WDR44: variants seen among roughly 807,000 people sequenced by gnomAD.
The protein encoded by WDR44 is WD repeat domain 44.
Under a neutral mutation model 65.7 loss-of-function variants are expected in WDR44, and 9 were observed. The observed-to-expected ratio is 0.14, with a 90% CI of 0.08 to 0.24. WDR44 has a LOEUF of 0.24. WDR44 is among the 10% of genes least tolerant of loss of function. WDR44 has a pLI of 1.00. For synonymous variants in WDR44, 220 were observed against 235.2 expected, an observed-to-expected ratio of 0.94 and a Z score of 0.59; for missense variants, 425 against 670.9, an observed-to-expected ratio of 0.63 and a Z score of 4.05.
At chrX:118,378,871 TA>T (rs541856981) in intron 2 of WDR44, among the ~76,000 whole-genome samples, 63 of 92,799 alleles carry the variant, frequency 6.8e-4, no homozygotes, top group Non-Finnish European at 6.2e-4. Flanking sequence ...CCGTCTCTAC[TA>T]AAAAAAAAAA....
chrX:118,395,184 G>A (rs2147704902), intron 5 of WDR44, 65 bp from the exon 6 acceptor site: 1 of 956,408 alleles, frequency 1.0e-6, no homozygotes, highest in East Asian at 3.3e-5. Flanking sequence ...ATTATATGTG[G>A]TAATAATTGA....
In WDR44 at chrX:118,438,797, G is replaced by GTTTTTTTTTTTTTTTTTTTT. The variant is rs1213083479; in HGVS notation, c.1974+1975_1974+1994dup. 3.9e-4 allele frequency among the ~76,000 whole-genome samples: 25 copies of GTTTTTTTTTTTTTTTTTTTT among 64,044 alleles called. 1 individual carries two copies. Among genetic ancestry groups the GTTTTTTTTTTTTTTTTTTTT allele is most frequent in the Admixed American group, 1.2e-3 (5 of 4,151 alleles). The allele number at this position is 64,044 out of a possible 115,157, so 55.6% of individuals were successfully genotyped here. ...TTTATTAAACTTTCTGTTCAGCCAT[G>GTTTTTTTTTTTTTTTTTTTT]TTTTTTTTTTTTTTTTTTTTTGAAG... On this transcript the variant is annotated intron_variant, in intron 14 of 19. Transcript: ENST00000254029.
chrX:118,386,572 C>G (rs778702356), intron 2 of WDR44: 2 of 305,830 alleles, frequency 6.5e-6, no homozygotes, highest in African/African-American at 5.9e-5. Flanking sequence ...TTTAAGAAAA[C>G]TATTCCCTGA....
intron 14 of WDR44, among the ~76,000 whole-genome samples, chrX:118,440,333 C>A (rs1256209791): frequency 9.1e-6 from 1 of 110,377 alleles, no homozygotes; most frequent in Non-Finnish European, 1.9e-5. Flanking sequence ...CATCCTGATC[C>A]TCCCACCAGT....
rs2057077445 is a variant in WDR44, at chrX:118,418,614, G to C, written c.1737+7655G>C. Among the ~76,000 whole-genome samples, 3 of 111,221 alleles carry C rather than the reference G, an allele frequency of 2.7e-5. No individual in the cohort carries two copies. The South Asian group carries it at 1.1e-3, about 42-fold the overall frequency. On this transcript the variant is annotated intron_variant, in intron 12 of 19. Coordinates refer to ENST00000254029, the MANE Select transcript of WDR44 (RefSeq NM_019045.5). ...GGGGGGTGAAATGGACTCTGTGAGGGTTCTTAGCTTTGGTGGTTTAATTTT... is the reference window on the plus strand; with the variant it reads ...GGGGGGTGAAATGGACTCTGTGAGGCTTCTTAGCTTTGGTGGTTTAATTTT...
At chrX:118,446,415 CA>C (rs2057346991) in intron 19 of WDR44, among the ~76,000 whole-genome samples, 1 of 111,311 alleles carries the variant, frequency 9.0e-6, no homozygotes, top group African/African-American at 3.3e-5. Context: ...ACACCCAACT[CA>C]AAAAATATAT....
At chrX:118,350,140 A>G (rs1431588282) in intron 1 of WDR44, among the ~76,000 whole-genome samples, 1 of 112,042 alleles carries the variant, frequency 8.9e-6, no homozygotes, top group Admixed American at 9.5e-5. Context: ...ACTTTCTTTC[A>G]GCAACGTGTA....
At chrX:118,409,120 C>T (rs933184973) in intron 10 of WDR44, among the ~76,000 whole-genome samples, 11 of 111,231 alleles carry the variant, frequency 9.9e-5, no homozygotes, top group African/African-American at 3.6e-4. Context: ...AGTAATGTCT[C>T]TATTTTATTT....
intron 12 of WDR44, among the ~76,000 whole-genome samples, chrX:118,427,285 T>G (rs768478742): frequency 1.8e-3 from 192 of 106,668 alleles, no homozygotes; most frequent in Non-Finnish European, 3.1e-3. Flanking sequence ...TTTTTTTTTT[T>G]TTGGGGACGG....
At chrX:118,385,772 A>G (rs919991395) in intron 2 of WDR44, among the ~76,000 whole-genome samples, 2 of 111,871 alleles carry the variant, frequency 1.8e-5, no homozygotes, top group Non-Finnish European at 3.8e-5. Context: ...CTATGACCCT[A>G]ATGGCAAGGA....
chrX:118,440,864 T>A (rs2057298594), intron 14 of WDR44, among the ~76,000 whole-genome samples: 2 of 110,346 alleles, frequency 1.8e-5, no homozygotes, highest in African/African-American at 6.6e-5. Flanking sequence ...TTCTCCAAAG[T>A]GAATAGTGAG....
chrX:118,353,654 T>A (rs1244378805), intron 1 of WDR44, among the ~76,000 whole-genome samples: 1 of 112,721 alleles, frequency 8.9e-6, no homozygotes, highest in African/African-American at 3.2e-5. Flanking sequence ...GTGTTAGTCA[T>A]TGCCCTGAAG....
At chrX:118,399,304 C>G (rs929475993) in intron 8 of WDR44, among the ~76,000 whole-genome samples, 14 of 112,257 alleles carry the variant, frequency 1.2e-4, no homozygotes, top group African/African-American at 4.5e-4. Flanking sequence ...CTACAAACTT[C>G]TAGATCAATG....
At chrX:118,442,833 A>G (rs2057314075) in intron 17 of WDR44, among the ~76,000 whole-genome samples, 153 bp downstream of exon 17, 1 of 111,859 alleles carries the variant, frequency 8.9e-6, no homozygotes, top group East Asian at 2.8e-4. Flanking sequence ...GTCCACCTAT[A>G]TAGTATATAG....
At chrX:118,348,013 T>C (rs2056368248) in intron 1 of WDR44, among the ~76,000 whole-genome samples, 1 of 111,533 alleles carries the variant, frequency 9.0e-6, no homozygotes, top group African/African-American at 3.3e-5. Context: ...ACAATTCAGA[T>C]TGAATGAGAC....
rs192247525 is a variant in WDR44, at chrX:118,408,300, A to G, written c.1534-1189A>G. On this transcript the variant is annotated intron_variant, in intron 10 of 19. Coordinates refer to ENST00000254029, the MANE Select transcript of WDR44 (RefSeq NM_019045.5). Reference sequence around the variant, plus strand: ...CCCCACCACACACACATACTTTCCTATTGTTCTCAGTATCTAGAGATTCTG... The same window carrying G: ...CCCCACCACACACACATACTTTCCTGTTGTTCTCAGTATCTAGAGATTCTG... 1.4e-4 allele frequency among the ~76,000 whole-genome samples: 16 copies of G among 110,774 alleles called. No individual in the cohort carries two copies. In the East Asian group the frequency reaches 2.8e-3, roughly 20 times the overall value.
At chrX:118,386,408 T>C (rs746163811) in intron 2 of WDR44, 1 of 359,936 alleles carries the variant, frequency 2.8e-6, no homozygotes, top group African/African-American at 2.7e-5. Context: ...CCCAAATATA[T>C]ATATATATGT....
rs1002248992 is a variant in WDR44, at chrX:118,346,666, C to A, written c.77+86C>A. On this transcript the variant is annotated intron_variant, in intron 1 of 19. Coordinates refer to ENST00000254029, the MANE Select transcript of WDR44 (RefSeq NM_019045.5). ...CTTCCCCCTACACCCCTCCCAGGTC[C>A]CGCTGTGTCCGCCACCGCTGTTCCT... is the stretch of plus-strand genomic sequence containing the variant. 3.6e-5 allele frequency: 26 copies of A among 722,537 alleles called. No homozygotes were observed. In the African/African-American group the frequency reaches 5.1e-4, roughly 14 times the overall value. The allele number at this position is 722,537 out of a possible 1,213,427, so 59.5% of individuals were successfully genotyped here.
intron 1 of WDR44, among the ~76,000 whole-genome samples, chrX:118,370,659 C>G (rs1003077891): frequency 1.8e-5 from 2 of 109,832 alleles, no homozygotes; most frequent in Non-Finnish European, 3.8e-5. Flanking sequence ...TGTCGGCTCA[C>G]TAAAACCTCC....
Sources: allele counts gnomAD v4.1 joint callset (sites outside exome capture counted in the v4.1 genomes callset), GRCh38; gene constraint gnomAD v4.1.1; transcripts MANE v1.5; gene names NCBI Gene and HGNC (gene_info 2026-07-23, HGNC 2026-07-21).